Variants in ZNF512 observed in about 807,000 individuals in gnomAD.
The protein encoded by ZNF512 is zinc finger protein 512.
Under a neutral mutation model 77.5 loss-of-function variants are expected in ZNF512, and 25 were observed. That is an observed-to-expected ratio of 0.32 (90% CI 0.23 to 0.45). The LOEUF is 0.45. ZNF512 is among the 20% of genes least tolerant of loss of function. The pLI, the probability that ZNF512 is intolerant of heterozygous loss-of-function variation, is 1.00. For synonymous variants in ZNF512, 246 were observed against 239.9 expected (o/e 1.03, Z -0.24); for missense variants, 483 against 692.6 (o/e 0.70, Z 3.40).
chr2:27,585,687 A>G (rs775074759), intron 2 of ZNF512, among the ~76,000 whole-genome samples: 1 of 152,232 alleles, frequency 6.6e-6, no homozygotes, highest in African/African-American at 2.4e-5. Context: ...ACATGGAAGA[A>G]TGAGCTAGGG....
chr2:27,615,911 C>T (rs1427641562), intron 11 of ZNF512, among the ~76,000 whole-genome samples: 1 of 152,036 alleles, frequency 6.6e-6, no homozygotes, highest in African/African-American at 2.4e-5. Context: ...CAGTACTTTG[C>T]AGAGGAGTAA....
At position 27,600,652 on chromosome 2, in the gene ZNF512, T is replaced by C. The variant is rs547234321; in HGVS notation, c.458-39T>C. 1.1e-4 allele frequency: 180 copies of C among 1,599,278 alleles called. 1 individual carries two copies. The East Asian group carries it at 3.5e-3, about 31-fold the overall frequency. Reference sequence around the variant, plus strand: ...GATTATGCTTTTTGTTTCTGGAGAATACTGCAGATTACAAAGTGTTTCTTT... The same window carrying C: ...GATTATGCTTTTTGTTTCTGGAGAACACTGCAGATTACAAAGTGTTTCTTT... On this transcript the variant is annotated intron_variant, in intron 5 of 13. Coordinates refer to ENST00000355467, the MANE Select transcript of ZNF512 (RefSeq NM_032434.4).
chr2:27,600,187 A>G (rs1433966018), intron 5 of ZNF512, 134 bp downstream of exon 5: 2 of 974,734 alleles, frequency 2.1e-6, no homozygotes, highest in African/African-American at 3.3e-5. Flanking sequence ...GTTTGGAGTC[A>G]GACAGACCTT....
chr2:27,601,209 T>C (rs1672101023), intron 6 of ZNF512, 147 bp from the exon 7 acceptor site: 2 of 610,564 alleles, frequency 3.3e-6, no homozygotes, highest in Non-Finnish European at 5.5e-6. Context: ...CTTGAAGACA[T>C]GACACTGAGT....
At chr2:27,596,942 G>A (rs952095614) in intron 2 of ZNF512, among the ~76,000 whole-genome samples, 2 of 152,190 alleles carry the variant, frequency 1.3e-5, no homozygotes, top group Non-Finnish European at 2.9e-5. Context: ...TGCTTTATGT[G>A]TGGATTTGTT....
rs757007546 is a variant in ZNF512, at chr2:27,617,591, G to A, written c.1395+20G>A. ...GCTGAGGTGAGGTTTTTGTAATCCT[G>A]TGGGCCTGATATGTAAGCCACAAGA... On this transcript the variant is annotated intron_variant, in intron 13 of 13. Coordinates refer to ENST00000355467, the MANE Select transcript of ZNF512 (RefSeq NM_032434.4). 1.1e-6 allele frequency: 1 copy of A among 905,114 alleles called. No homozygotes were observed. Among genetic ancestry groups the A allele is most frequent in the Non-Finnish European group, 1.9e-6 (1 of 531,644 alleles). The allele number at this position is 905,114 out of a possible 1,614,324, so 56.1% of individuals were successfully genotyped here.
At chr2:27,592,106 C>T (rs942676276) in intron 2 of ZNF512, among the ~76,000 whole-genome samples, 2 of 152,038 alleles carry the variant, frequency 1.3e-5, no homozygotes, top group African/African-American at 4.8e-5. Context: ...TCTCCCACTT[C>T]AGCCTGCTGA....
At chr2:27,604,146 C>T (rs1395862359) in intron 9 of ZNF512, among the ~76,000 whole-genome samples, 1 of 151,942 alleles carries the variant, frequency 6.6e-6, no homozygotes, top group Non-Finnish European at 1.5e-5. Flanking sequence ...AGGCTGGTCT[C>T]GAACTCCCGA....
At chr2:27,600,260 C>T (rs1054127844) in intron 5 of ZNF512, among the ~76,000 whole-genome samples, 7 of 152,268 alleles carry the variant, frequency 4.6e-5, no homozygotes, top group African/African-American at 1.7e-4. Flanking sequence ...CTTCCTCTTG[C>T]CTCAGTTTCC....
intron 13 of ZNF512, among the ~76,000 whole-genome samples, chr2:27,620,704 G>T (rs1002177908): frequency 3.3e-5 from 5 of 152,266 alleles, no homozygotes; most frequent in African/African-American, 1.2e-4. Flanking sequence ...ATTTTTTAAA[G>T]TGAGCCTCGA....
In ZNF512 at chr2:27,617,509, T is replaced by C; in HGVS notation, c.1333T>C (p.Cys445Arg). Residue 445 changes from cysteine to arginine, a missense_variant, in exon 13 of 14, where the codon TGT (cysteine) becomes CGT (arginine). Cys to Arg is a radical substitution (Grantham distance 180). This residue lies in a region of ZNF512 where 324 missense variants were observed against 525.0 expected (regional missense o/e 0.62). Coordinates refer to ENST00000355467, the MANE Select transcript of ZNF512 (RefSeq NM_032434.4). ...GGCTGGAAAATACAAATGTCTTCTA[T>C]GTCAGAAAGAATTTGTGTCAGAGAG... is the stretch of plus-strand genomic sequence containing the variant. The part of the protein sequence containing the change: ...FVAGKYKCLL[C>R]QKEFVSESGV... The C allele has an allele frequency of 6.6e-7, 1 of 1,510,940 alleles. No homozygotes were observed. Among genetic ancestry groups the C allele is most frequent in the Non-Finnish European group, 9.2e-7 (1 of 1,085,710 alleles). 93.6% of individuals were successfully genotyped at this position (1,510,940 alleles called of 1,614,324 possible).
chr2:27,583,654 C>G lies in ZNF512; in HGVS notation c.31-4C>G, dbSNP rs780876486. 4 of 1,614,082 alleles carry G rather than the reference C, an allele frequency of 2.5e-6. No homozygotes were observed. The East Asian group carries it at 6.7e-5, about 27-fold the overall frequency. On this transcript the variant is annotated splice_polypyrimidine_tract_variant and splice_region_variant and intron_variant, in intron 1 of 13. Coordinates refer to ENST00000355467, the MANE Select transcript of ZNF512 (RefSeq NM_032434.4). ...CACTCACTCGTGTGCTTGTGATTTG[C>G]TAGACTTCGGGACCCACAACCTTTA... is the stretch of plus-strand genomic sequence containing the variant.
Position 27,621,207 on chromosome 2 carries a change from A to G in ZNF512, c.1450A>G (p.Ile484Val). 6.2e-7 allele frequency: 1 copy of G among 1,614,234 alleles called. No individual in the cohort carries two copies. The highest frequency in any genetic ancestry group is 8.5e-7 in the Non-Finnish European group (1 of 1,180,048). The part of the protein sequence containing the change: ...TTKSFEKLMK[I>V]KQRQQEEEKR... The stretch of plus-strand genomic sequence containing the variant: ...CAAAAGCTTTGAAAAGCTGATGAAG[A>G]TAAAGCAGCGGCAGCAAGAAGAAGA... The change falls in exon 14 of 14, where the codon ATA becomes GTA. Residue 484 changes from isoleucine to valine, a missense_variant. By Grantham distance (29) the Ile-to-Val change is conservative. Coordinates refer to ENST00000355467, the MANE Select transcript of ZNF512 (RefSeq NM_032434.4).
intron 2 of ZNF512, among the ~76,000 whole-genome samples, chr2:27,593,376 A>T (rs1671689821): frequency 6.9e-6 from 1 of 144,454 alleles, no homozygotes; most frequent in Admixed American, 7.0e-5. Context: ...TGAGTGACAG[A>T]GTGAGACCTT....
intron 10 of ZNF512, among the ~76,000 whole-genome samples, chr2:27,608,856 A>G (rs773811498): frequency 6.6e-6 from 1 of 152,108 alleles, no homozygotes; most frequent in Non-Finnish European, 1.5e-5. Context: ...CAAGGCTGTA[A>G]TCCCAGTACT....
chr2:27,586,350 C>T (rs1671327930), intron 2 of ZNF512, among the ~76,000 whole-genome samples: 1 of 152,120 alleles, frequency 6.6e-6, no homozygotes, highest in Non-Finnish European at 1.5e-5. Flanking sequence ...CTGCCTCAGC[C>T]TCCCGAGTAG....
At chr2:27,586,099 A>G (rs1320340910) in intron 2 of ZNF512, among the ~76,000 whole-genome samples, 3 of 152,174 alleles carry the variant, frequency 2.0e-5, no homozygotes, top group African/African-American at 4.8e-5. Flanking sequence ...AAGAGGGTAT[A>G]TGGGTACTGT....
intron 12 of ZNF512, 103 bp from the exon 13 acceptor site, chr2:27,617,370 T>C (rs939287803): frequency 1.5e-6 from 1 of 676,314 alleles, no homozygotes; most frequent in African/African-American, 1.8e-5. Flanking sequence ...TTATCTTTGC[T>C]GAAGTAGAAT....
At chr2:27,606,014 T>C (rs1316187739) in intron 9 of ZNF512, among the ~76,000 whole-genome samples, 1 of 152,248 alleles carries the variant, frequency 6.6e-6, no homozygotes, top group Non-Finnish European at 1.5e-5. Flanking sequence ...AATAGGTACG[T>C]AGTAGTACTT....
Sources: allele counts gnomAD v4.1 joint callset (sites outside exome capture counted in the v4.1 genomes callset), GRCh38; gene constraint gnomAD v4.1.1; regional missense constraint gnomAD v4.1.1; transcripts MANE v1.5; gene names NCBI Gene and HGNC (gene_info 2026-07-23, HGNC 2026-07-21).